The following GAS2 variants were observed in gnomAD, a reference collection of about 807,000 sequenced individuals.
GAS2 encodes the protein growth arrest specific 2.
Under a neutral mutation model 37.5 loss-of-function variants are expected in GAS2, and 20 were observed. That is an observed-to-expected ratio of 0.53 (90% CI 0.37 to 0.77). GAS2 has a LOEUF of 0.77. Ranked by LOEUF, GAS2 falls within the 30% of genes least tolerant of loss-of-function variation. GAS2 has a pLI of 0.00. For synonymous variants in GAS2, 144 were observed against 132.2 expected (o/e 1.09, Z -0.61); for missense variants, 336 against 373.4 (o/e 0.90, Z 0.82).
At chr11:22,659,823 G>T (rs575912697) in intron 1 of GAS2, among the ~76,000 whole-genome samples, 1 of 144,694 alleles carries the variant, frequency 6.9e-6, no homozygotes, top group East Asian at 2.1e-4. Context: ...AAAAAAGCAA[G>T]GATAGAAGGA....
chr11:22,660,193 G>T (rs1047673974), intron 1 of GAS2, among the ~76,000 whole-genome samples: 3 of 152,122 alleles, frequency 2.0e-5, no homozygotes, highest in African/African-American at 7.2e-5. Context: ...AGAGGTTGGA[G>T]AATAAATGAA....
At chr11:22,803,105 C>T (rs1202914187) in intron 7 of GAS2, among the ~76,000 whole-genome samples, 3 of 152,042 alleles carry the variant, frequency 2.0e-5, no homozygotes, top group African/African-American at 4.8e-5. Flanking sequence ...CCTCAATTGA[C>T]ATATGCATTG....
chr11:22,642,839 A>T (rs1241692874), intron 1 of GAS2, among the ~76,000 whole-genome samples: 1 of 152,204 alleles, frequency 6.6e-6, no homozygotes, highest in Non-Finnish European at 1.5e-5. Flanking sequence ...AAATTATTCT[A>T]GACCCATTGC....
chr11:22,715,362 G>A (rs1851615472), intron 3 of GAS2, among the ~76,000 whole-genome samples: 2 of 149,086 alleles, frequency 1.3e-5, no homozygotes. Context: ...TCAGAAGGCC[G>A]AGGCAGGAGA....
intron 1 of GAS2, among the ~76,000 whole-genome samples, chr11:22,628,387 A>G (rs1724585636): frequency 6.6e-6 from 1 of 152,188 alleles, no homozygotes; most frequent in Admixed American, 6.5e-5. Context: ...GAGAGAAATA[A>G]TATAAGGTAA....
intron 5 of GAS2, among the ~76,000 whole-genome samples, chr11:22,744,810 G>T (rs1462692463): frequency 6.6e-6 from 1 of 152,034 alleles, no homozygotes; most frequent in African/African-American, 2.4e-5. Context: ...TCTAGCCAGA[G>T]CGATCAGGCA....
intron 3 of GAS2, among the ~76,000 whole-genome samples, chr11:22,704,466 C>T (rs926009137): frequency 2.0e-5 from 3 of 149,960 alleles, no homozygotes; most frequent in Non-Finnish European, 4.4e-5. Context: ...ATACCAGGAT[C>T]GATTGTAATA....
rs1217824304 is a variant in GAS2 at position 22,666,731 on chromosome 11, G to A, written c.-189G>A. On this transcript the variant is annotated 5_prime_UTR_variant, in exon 1 of 8. Coordinates refer to ENST00000454584, the MANE Select transcript of GAS2 (RefSeq NM_001143830.3). ...AGGAGCCATCAGAGAAGTATGAAGAGGGGTAGTGCGGCTGTAGCTGCTGCC... is the reference window on the plus strand; with the variant it reads ...AGGAGCCATCAGAGAAGTATGAAGAAGGGTAGTGCGGCTGTAGCTGCTGCC... 6.6e-6 allele frequency: 1 copy of A among 152,476 alleles called. No individual in the cohort carries two copies. Among genetic ancestry groups the A allele is most frequent in the Non-Finnish European group, 1.5e-5 (1 of 68,230 alleles). The allele number at this position is 152,476 out of a possible 1,614,324, so 9.4% of individuals were successfully genotyped here.
chr11:22,641,791 TATCA>T (rs909094077), intron 1 of GAS2, among the ~76,000 whole-genome samples: 22 of 152,172 alleles, frequency 1.4e-4, no homozygotes, highest in African/African-American at 5.3e-4. Flanking sequence ...GTCATAATAT[TATCA>T]ATCAGTGTGT....
chr11:22,728,887 T>G (rs1295291651), intron 4 of GAS2, among the ~76,000 whole-genome samples: 1 of 151,362 alleles, frequency 6.6e-6, no homozygotes, highest in Non-Finnish European at 1.5e-5. Context: ...TTTTTTTTAA[T>G]TATTCATTGT....
intron 1 of GAS2, among the ~76,000 whole-genome samples, chr11:22,647,055 A>C (rs1364460101): frequency 1.3e-5 from 2 of 148,438 alleles, no homozygotes; most frequent in Non-Finnish European, 1.5e-5. Flanking sequence ...TATATCTCCC[A>C]ATGCTATCCT....
chr11:22,674,064 T>C (rs1201372103), intron 1 of GAS2, among the ~76,000 whole-genome samples: 1 of 152,222 alleles, frequency 6.6e-6, no homozygotes, highest in East Asian at 1.9e-4. Flanking sequence ...TGGGTTATCA[T>C]CAATATGGGT....
intron 7 of GAS2, among the ~76,000 whole-genome samples, chr11:22,781,630 T>C (rs1855559572): frequency 6.6e-6 from 1 of 152,206 alleles, no homozygotes; most frequent in Non-Finnish European, 1.5e-5. Context: ...ACTGGGAACC[T>C]TGATTGAAAG....
chr11:22,666,118 CTAA>C (rs1310346846), upstream of GAS2, among the ~76,000 whole-genome samples: 2 of 152,198 alleles, frequency 1.3e-5, no homozygotes, highest in Non-Finnish European at 2.9e-5. Context: ...AATACACGTA[CTAA>C]TAAACAACAG....
intron 7 of GAS2, among the ~76,000 whole-genome samples, chr11:22,775,100 A>G (rs1462309669): frequency 1.3e-5 from 2 of 152,220 alleles, no homozygotes; most frequent in Non-Finnish European, 2.9e-5. Flanking sequence ...ACACAGAGCC[A>G]GCTCATGGAG....
chr11:22,702,662 A>G (rs1850906888), intron 3 of GAS2: 1 of 152,186 alleles, frequency 6.6e-6, no homozygotes. Flanking sequence ...GTTGTAGGCC[A>G]GTAGCTGCTA....
intron 3 of GAS2, among the ~76,000 whole-genome samples, chr11:22,699,089 G>C (rs931291908): frequency 2.6e-5 from 4 of 152,114 alleles, no homozygotes; most frequent in Admixed American, 2.6e-4. Flanking sequence ...TAGGCTGCTA[G>C]TTTTCTATTC....
At chr11:22,778,712 G>C (rs1288593690) in intron 7 of GAS2, among the ~76,000 whole-genome samples, 1 of 152,294 alleles carries the variant, frequency 6.6e-6, no homozygotes, top group African/African-American at 2.4e-5. Context: ...AGAAATCATA[G>C]CAGATTTAAA....
chr11:22,788,448 G>C (rs1855923691), intron 7 of GAS2, among the ~76,000 whole-genome samples: 2 of 152,086 alleles, frequency 1.3e-5, no homozygotes, highest in Admixed American at 1.3e-4. Flanking sequence ...CTGGGTTGCT[G>C]GCCTTTACCC....
Sources: gnomAD v4.1 joint callset for allele counts (sites outside exome capture counted in the v4.1 genomes callset) on GRCh38, gnomAD v4.1.1 for gene constraint, MANE v1.5 for transcripts, NCBI Gene and HGNC (gene_info 2026-07-23, HGNC 2026-07-21) for gene names.